The following TMEM47 variants were observed in gnomAD, a reference collection of about 807,000 sequenced individuals.
TMEM47 encodes transmembrane protein 47.
Under a neutral mutation model 12.4 loss-of-function variants are expected in TMEM47, and 3 were observed. That is an observed-to-expected ratio of 0.24 (90% CI 0.11 to 0.63). TMEM47 has a LOEUF of 0.63. Ranked by LOEUF, TMEM47 falls within the 20% of genes least tolerant of loss-of-function variation. The probability of loss-of-function intolerance (pLI) is 0.86; values close to 1 mark genes in which losing one functional copy is unlikely to be tolerated. For missense variants in TMEM47, 89 were observed against 143.8 expected, an observed-to-expected ratio of 0.62 and a Z score of 1.95; for synonymous variants, 62 against 63.3, an observed-to-expected ratio of 0.98 and a Z score of 0.10.
chrX:34,648,248 G>A (rs1416872530), intron 1 of TMEM47, among the ~76,000 whole-genome samples: 2 of 111,746 alleles, frequency 1.8e-5, no homozygotes, highest in Admixed American at 1.9e-4. Flanking sequence ...TAAACAAAAA[G>A]AACAAAGTTG....
intron 1 of TMEM47, among the ~76,000 whole-genome samples, chrX:34,649,392 A>G (rs7885826): frequency 0.018 from 1,979 of 111,601 alleles, 36 homozygotes; most frequent in African/African-American, 0.056. Flanking sequence ...GGTCATGCAT[A>G]TTGTGGGAAC....
intron 1 of TMEM47, among the ~76,000 whole-genome samples, chrX:34,648,757 C>T (rs921794053): frequency 4.5e-5 from 5 of 112,026 alleles, no homozygotes; most frequent in Admixed American, 3.8e-4. Context: ...ACAGAGTACA[C>T]AACCTACAGA....
At chrX:34,641,635 A>C (rs1374811701) in intron 1 of TMEM47, among the ~76,000 whole-genome samples, 2 of 112,018 alleles carry the variant, frequency 1.8e-5, no homozygotes, top group African/African-American at 6.5e-5. Flanking sequence ...ACTTTTCTCT[A>C]TTTTAAATAT....
At chrX:34,643,780 C>T (rs1433572484) in intron 1 of TMEM47, among the ~76,000 whole-genome samples, 2 of 111,437 alleles carry the variant, frequency 1.8e-5, no homozygotes, top group African/African-American at 6.5e-5. Context: ...TTCAATGTCA[C>T]GCCAGCTGAT....
chrX:34,646,198 G>GA (rs200220766), intron 1 of TMEM47, among the ~76,000 whole-genome samples: 1,954 of 108,513 alleles, frequency 0.018, 35 homozygotes, highest in African/African-American at 0.056. Flanking sequence ...GTTGATGTTA[G>GA]AAAAAAAAAC....
At chrX:34,650,532 G>C (rs1921999056) in intron 1 of TMEM47, among the ~76,000 whole-genome samples, 1 of 111,887 alleles carries the variant, frequency 8.9e-6, no homozygotes, top group Non-Finnish European at 1.9e-5. Context: ...TAAGAGAAGA[G>C]CTATGTTATT....
rs1309380042 is a variant in TMEM47, at chrX:34,655,649, T to C, written c.226+1155A>G. ...GTGGCTTTTTGTGCTATTTCAACTT[T>C]GTTACAACTTGAAACGTTTCCAGGA... On this transcript the variant is annotated intron_variant, in intron 1 of 2. Coordinates refer to ENST00000275954, the MANE Select transcript of TMEM47 (RefSeq NM_031442.4). Among the ~76,000 whole-genome samples, 29 of 111,704 alleles carry C rather than the reference T, an allele frequency of 2.6e-4. No individual in the cohort carries two copies. In the Admixed American group the frequency reaches 2.8e-3, roughly 11 times the overall value.
chrX:34,639,700 AT>A (rs2083487328), intron 1 of TMEM47, among the ~76,000 whole-genome samples: 1 of 111,678 alleles, frequency 9.0e-6, no homozygotes, highest in African/African-American at 3.3e-5. Flanking sequence ...TATGATTTAA[AT>A]TTTTATCGAG....
chrX:34,643,481 TTC>T (rs761461984), intron 1 of TMEM47, among the ~76,000 whole-genome samples: 16 of 112,005 alleles, frequency 1.4e-4, no homozygotes, highest in Non-Finnish European at 2.8e-4. Flanking sequence ...TTTCATAAAA[TTC>T]TCTGTTTCCA....
intron 1 of TMEM47, among the ~76,000 whole-genome samples, chrX:34,640,654 A>C (rs1369599894): frequency 8.9e-6 from 1 of 112,182 alleles, no homozygotes; most frequent in African/African-American, 3.2e-5. Context: ...TCCAGAAGTC[A>C]TGATATTTTG....
rs191758431 is a variant in TMEM47, at chrX:34,653,116, C to T, written c.226+3688G>A. Among the ~76,000 whole-genome samples, 5 of 111,771 alleles carry T rather than the reference C, an allele frequency of 4.5e-5. No homozygotes were observed. The East Asian group carries it at 1.4e-3, about 32-fold the overall frequency. ...ATTTATCTTTAACACCTAAGATAGG[C>T]TTTCTTATAAATTCCTTTTAAAGTA... On this transcript the variant is annotated intron_variant, in intron 1 of 2. Coordinates refer to ENST00000275954, the MANE Select transcript of TMEM47 (RefSeq NM_031442.4).
chrX:34,652,755 T>C (rs780991756), intron 1 of TMEM47, among the ~76,000 whole-genome samples: 1 of 112,248 alleles, frequency 8.9e-6, no homozygotes, highest in East Asian at 2.8e-4. Flanking sequence ...AAAGTTTTGG[T>C]GCTCTCTGGT....
intron 1 of TMEM47, among the ~76,000 whole-genome samples, chrX:34,652,162 T>A (rs1334616466): frequency 8.9e-6 from 1 of 112,503 alleles, no homozygotes; most frequent in Non-Finnish European, 1.9e-5. Context: ...GATACAGAAT[T>A]ACATTACAAT....
Position 34,627,383 on chromosome X carries a change from A to G in TMEM47, c.*2930T>C, listed in dbSNP as rs1281941872. 1.8e-5 allele frequency: 2 copies of G among 112,418 alleles called. No homozygotes were observed. Among genetic ancestry groups the G allele is most frequent in the Admixed American group, 1.9e-4 (2 of 10,530 alleles). The allele number at this position is 112,418 out of a possible 1,213,427, so 9.3% of individuals were successfully genotyped here. A position where few individuals can be genotyped will look rare whatever the true frequency, so the allele number is the denominator to read the frequency against. On this transcript the variant is annotated 3_prime_UTR_variant, in exon 3 of 3. Coordinates refer to ENST00000275954, the MANE Select transcript of TMEM47 (RefSeq NM_031442.4). ...ATTTCTAGGCACAGCTTTAGGCATT[A>G]AAGAGGACACAGAGGCATAGGTTAG... is the stretch of plus-strand genomic sequence containing the variant.
chrX:34,656,734 A>T (rs1922115947), intron 1 of TMEM47, 70 bp downstream of exon 1: 1 of 1,127,992 alleles, frequency 8.9e-7, no homozygotes, highest in Non-Finnish European at 1.2e-6. Flanking sequence ...ACAGGCGGTG[A>T]CTGTCCTGGC....
chrX:34,651,897 A>G (rs1256283845), intron 1 of TMEM47, among the ~76,000 whole-genome samples: 1 of 112,592 alleles, frequency 8.9e-6, no homozygotes, highest in Non-Finnish European at 1.9e-5. Flanking sequence ...TATGCAATTC[A>G]TTATGCAATG....
At chrX:34,644,920 AATG>A (rs988799842) in intron 1 of TMEM47, among the ~76,000 whole-genome samples, 2 of 111,646 alleles carry the variant, frequency 1.8e-5, no homozygotes, top group African/African-American at 6.5e-5. Context: ...TATTAACTAA[AATG>A]ATATCTATAA....
chrX:34,650,870 C>A (rs1335570798), intron 1 of TMEM47, among the ~76,000 whole-genome samples: 1 of 111,627 alleles, frequency 9.0e-6, no homozygotes, highest in African/African-American at 3.3e-5. Flanking sequence ...GTACAAGTAA[C>A]CAGTCATTAA....
chrX:34,630,745 C>A (rs1287420808), intron 2 of TMEM47, among the ~76,000 whole-genome samples: 4 of 109,704 alleles, frequency 3.6e-5, no homozygotes, highest in Non-Finnish European at 7.6e-5. Flanking sequence ...ATAATTAGTG[C>A]AATATAATAA....
Sources: allele counts gnomAD v4.1 joint callset (sites outside exome capture counted in the v4.1 genomes callset), GRCh38; gene constraint gnomAD v4.1.1; transcripts MANE v1.5; gene names NCBI Gene and HGNC (gene_info 2026-07-23, HGNC 2026-07-21).